MPRIP: variants seen among roughly 807,000 people sequenced by gnomAD.
The protein encoded by MPRIP is myosin phosphatase Rho-interacting protein.
A neutral mutation model predicts 234.9 loss-of-function variants in MPRIP; 59 were observed. The ratio of observed to expected loss-of-function variants is 0.25; its 90% confidence interval spans 0.20 to 0.31. MPRIP has a LOEUF of 0.31. MPRIP is among the 10% of genes least tolerant of loss of function. The probability of loss-of-function intolerance (pLI) is 1.00; values close to 1 mark genes in which losing one functional copy is unlikely to be tolerated. For synonymous variants in MPRIP, 1,144 were observed against 1,263.9 expected (o/e 0.91, Z 2.01); for missense variants, 2,436 against 3,071.0 (o/e 0.79, Z 4.89).
chr17:17,147,271 CTG>C (rs1238886626), intron 10 of MPRIP, 46 bp from the exon 11 acceptor site: 1 of 1,570,354 alleles, frequency 6.4e-7, no homozygotes, highest in Non-Finnish European at 8.8e-7. Context: ...GGCAGGCATG[CTG>C]TATAGGAGTT....
intron 3 of MPRIP, among the ~76,000 whole-genome samples, chr17:17,083,104 T>C (rs1379084394): frequency 1.3e-5 from 2 of 151,604 alleles, no homozygotes; most frequent in Non-Finnish European, 2.9e-5. Context: ...GCCTGGAGAG[T>C]CCTTGAGCAT....
Position 17,166,593 on chromosome 17 carries a change from G to A in MPRIP, c.5002G>A (p.Val1668Ile), listed in dbSNP as rs1310606279. Reference sequence around the variant, plus strand: ...CCCCATCCTGGCCAATGCCACATGGGTCAGGGCAGAGCTCAGCTTTGCCAC... The same window carrying A: ...CCCCATCCTGGCCAATGCCACATGGATCAGGGCAGAGCTCAGCTTTGCCAC... ...LAPILANATW[V>I]RAELSFATQS... The change falls in exon 16 of 24, where the codon GTC becomes ATC. Residue 1668 changes from valine (V) to isoleucine (I), a missense_variant. By Grantham distance (29) the Val-to-Ile change is conservative (BLOSUM62 3). This residue lies in a region of MPRIP where 1,998 missense variants were observed against 2,520.3 expected (regional missense o/e 0.79). Transcript: ENST00000651222. This position sits in a 1 kb window ranked among gnomAD's most constrained non-coding sequence, Gnocchi z 4.4. 19 of 1,304,016 alleles carry A rather than the reference G, an allele frequency of 1.5e-5. No individual in the cohort carries two copies. The East Asian group carries it at 1.1e-3, about 72-fold the overall frequency. The allele number at this position is 1,304,016 out of a possible 1,614,324, so 80.8% of individuals were successfully genotyped here. A position where few individuals can be genotyped will look rare whatever the true frequency, so the allele number is the denominator to read the frequency against.
intron 10 of MPRIP, 74 bp from the exon 11 acceptor site, chr17:17,147,245 C>G: frequency 7.0e-7 from 1 of 1,435,754 alleles, no homozygotes; most frequent in South Asian, 1.2e-5. Context: ...GCTCTGGCTG[C>G]GCACCGCCGT....
chr17:17,148,201 T>G (rs1386139783), intron 11 of MPRIP, among the ~76,000 whole-genome samples: 1 of 152,184 alleles, frequency 6.6e-6, no homozygotes, highest in African/African-American at 2.4e-5. Context: ...GCGGTGGGCC[T>G]CTGGTGGTGT....
chr17:17,096,692 A>G (rs1334727347), intron 3 of MPRIP: 6 of 466,318 alleles, frequency 1.3e-5, no homozygotes, highest in Non-Finnish European at 2.7e-5. Context: ...CAATACCATC[A>G]GGCAGATCTG....
At position 17,164,861 on chromosome 17, in the gene MPRIP, G is replaced by A. The variant is rs2045948460; in HGVS notation, c.3270G>A (p.Glu1090=). The stretch of plus-strand genomic sequence containing the variant: ...TGGAGGAGCAGCTGGAGGCACGAGA[G>A]GCCAGCGTGCGCAGGCTCGCAGAGC... ...HQLEEQLEAR[E]ASVRRLAEHV... The change falls in exon 16 of 24, where the codon GAG becomes GAA. Residue 1090 remains glutamate (E), a synonymous_variant. Transcript: ENST00000651222. 2 of 1,303,926 alleles carry A rather than the reference G, an allele frequency of 1.5e-6. No individual in the cohort carries two copies. The allele number at this position is 1,303,926 out of a possible 1,614,324, so 80.8% of individuals were successfully genotyped here. A position where few individuals can be genotyped will look rare whatever the true frequency, so the allele number is the denominator to read the frequency against.
At chr17:17,126,571 C>A in intron 3 of MPRIP, 131 bp from the exon 4 acceptor site, 2 of 1,048,606 alleles carry the variant, frequency 1.9e-6, no homozygotes, top group Non-Finnish European at 2.7e-6. Flanking sequence ...GGAAGAGGAG[C>A]TGGGGCTGGA....
chr17:17,044,248 G>GGATAGAACT (rs2088275146), intron 1 of MPRIP, among the ~76,000 whole-genome samples: 1 of 152,188 alleles, frequency 6.6e-6, no homozygotes, highest in South Asian at 2.1e-4. Context: ...AGCTTGGGAC[G>GGATAGAACT]GATAGAACTC....
intron 1 of MPRIP, among the ~76,000 whole-genome samples, chr17:17,053,505 T>A (rs1255445148): frequency 1.3e-5 from 2 of 152,198 alleles, no homozygotes; most frequent in Non-Finnish European, 2.9e-5. Context: ...AGTATGGAGC[T>A]GTGTGTGGGA....
chr17:17,111,532 GT>G (rs1223052149), intron 3 of MPRIP, among the ~76,000 whole-genome samples: 1 of 152,214 alleles, frequency 6.6e-6, no homozygotes, highest in Non-Finnish European at 1.5e-5. Context: ...GGGGGTCTCT[GT>G]TTTCTGCTTC....
Position 17,096,936 on chromosome 17 carries a change from G to A in MPRIP, c.267+18860G>A, listed in dbSNP as rs1394983446. ...CTCGTCGGCTGCTGGGAAGACCAAG[G>A]GGCCAGCCATCGCAGGGAGCATAAG... is the stretch of plus-strand genomic sequence containing the variant. On this transcript the variant is annotated intron_variant, in intron 3 of 23. Coordinates refer to ENST00000651222, the MANE Select transcript of MPRIP (RefSeq NM_001364716.4). 6 of 400,000 alleles carry A rather than the reference G, an allele frequency of 1.5e-5. No homozygotes were observed. In the East Asian group the frequency reaches 4.4e-4, roughly 29 times the overall value. The allele number at this position is 400,000 out of a possible 1,614,324, so 24.8% of individuals were successfully genotyped here.
intron 3 of MPRIP, among the ~76,000 whole-genome samples, chr17:17,103,715 GAA>G (rs1209492699): frequency 1.3e-5 from 2 of 152,194 alleles, no homozygotes; most frequent in African/African-American, 4.8e-5. Flanking sequence ...GGTGGGGGCT[GAA>G]AAGAGTATTG....
intron 10 of MPRIP, among the ~76,000 whole-genome samples, chr17:17,146,833 C>G (rs1241453198): frequency 6.6e-6 from 1 of 152,268 alleles, no homozygotes; most frequent in Non-Finnish European, 1.5e-5. Context: ...GACTCAAGTT[C>G]CCTTCCTTAC....
chr17:17,046,420 C>T (rs1454268245), intron 1 of MPRIP, among the ~76,000 whole-genome samples: 1 of 152,048 alleles, frequency 6.6e-6, no homozygotes, highest in African/African-American at 2.4e-5. Context: ...GGGCAGATAC[C>T]TATAAATAGA....
At chr17:17,061,321 C>T (rs1459584089) in intron 1 of MPRIP, among the ~76,000 whole-genome samples, 2 of 152,212 alleles carry the variant, frequency 1.3e-5, no homozygotes, top group Non-Finnish European at 2.9e-5. Context: ...GAAAGAGGGC[C>T]AGACGGCTGC....
intron 16 of MPRIP, chr17:17,169,029 A>G (rs1454517917): frequency 2.2e-6 from 1 of 456,742 alleles, no homozygotes; most frequent in Admixed American, 2.3e-5. Flanking sequence ...CCACCCAGAC[A>G]CACAGGTGTG....
At chr17:17,119,422 T>C (rs561014970) in intron 3 of MPRIP, among the ~76,000 whole-genome samples, 2 of 152,260 alleles carry the variant, frequency 1.3e-5, no homozygotes, top group Non-Finnish European at 2.9e-5. Flanking sequence ...GTGCAAACAA[T>C]TGTTAAGTCC....
chr17:17,175,497 G>A, intron 20 of MPRIP, 85 bp downstream of exon 20: 1 of 1,434,462 alleles, frequency 7.0e-7, no homozygotes, highest in East Asian at 2.5e-5. Context: ...GTCTTACAGG[G>A]TTGTGGGAGG....
At chr17:17,106,899 A>G (rs990239914) in intron 3 of MPRIP, among the ~76,000 whole-genome samples, 7 of 152,204 alleles carry the variant, frequency 4.6e-5, no homozygotes, top group Admixed American at 3.3e-4. Context: ...AGTGGGAGAG[A>G]GGCAGATGAG....
Sources: allele counts gnomAD v4.1 joint callset (sites outside exome capture counted in the v4.1 genomes callset), GRCh38; gene constraint gnomAD v4.1.1; regional missense constraint gnomAD v4.1.1; non-coding constraint Gnocchi (gnomAD v3.1); transcripts MANE v1.5; gene names NCBI Gene and HGNC (gene_info 2026-07-23, HGNC 2026-07-21).